The following TOM1L2 variants were observed in gnomAD, a reference collection of about 807,000 sequenced individuals.
TOM1L2 encodes target of myb1 like 2 membrane trafficking protein.
A neutral mutation model predicts 67.9 loss-of-function variants in TOM1L2; 31 were observed. The ratio of observed to expected loss-of-function variants is 0.46; its 90% CI spans 0.34 to 0.62. The LOEUF (loss-of-function observed/expected upper bound fraction) is 0.62, where lower values mean the gene tolerates loss of function less well. TOM1L2 is among the 20% of genes least tolerant of loss of function. The pLI, the probability that TOM1L2 is intolerant of heterozygous loss-of-function variation, is 0.01. For missense variants in TOM1L2, 606 were observed against 663.5 expected (o/e 0.91, Z 0.95); for synonymous variants, 256 against 254.0 (o/e 1.01, Z -0.07).
chr17:17,882,039 C>T (rs1480718547), intron 6 of TOM1L2, among the ~76,000 whole-genome samples: 1 of 152,124 alleles, frequency 6.6e-6, no homozygotes, highest in East Asian at 1.9e-4. Context: ...AAGAGCACTC[C>T]CCAATTCATC....
chr17:17,932,899 G>A (rs1216417148), intron 1 of TOM1L2, among the ~76,000 whole-genome samples: 1 of 151,962 alleles, frequency 6.6e-6, no homozygotes, highest in African/African-American at 2.4e-5. Flanking sequence ...GAAATCTGTG[G>A]GGATTTAAAT....
intron 1 of TOM1L2, among the ~76,000 whole-genome samples, chr17:17,957,793 G>A (rs1488731998): frequency 6.6e-6 from 1 of 151,944 alleles, no homozygotes; most frequent in Non-Finnish European, 1.5e-5. Context: ...GTCTCTTATG[G>A]AAAGCTGTAA....
rs1310467418 is a variant in TOM1L2, at chr17:17,940,009, A to G, written c.52+32253T>C. On this transcript the variant is annotated intron_variant, in intron 1 of 14. Coordinates refer to ENST00000379504, the MANE Select transcript of TOM1L2 (RefSeq NM_001082968.2). Reference sequence around the variant, plus strand: ...GGAGTTCAAGACCAGCCTGGCCAACATGGTGAAACCTCATCTCTACTAAAA... The same window carrying G: ...GGAGTTCAAGACCAGCCTGGCCAACGTGGTGAAACCTCATCTCTACTAAAA... 4.6e-5 allele frequency among the ~76,000 whole-genome samples: 7 copies of G among 152,090 alleles called. No homozygotes were observed. In the East Asian group the frequency reaches 1.2e-3, roughly 25 times the overall value.
intron 4 of TOM1L2, among the ~76,000 whole-genome samples, chr17:17,892,734 C>T (rs939457871): frequency 5.3e-5 from 8 of 152,160 alleles, no homozygotes; most frequent in African/African-American, 1.9e-4. Flanking sequence ...TTTATTTCCC[C>T]TACTCTTGAG....
intron 5 of TOM1L2, 107 bp downstream of exon 5, chr17:17,884,527 G>T: frequency 6.7e-7 from 1 of 1,496,600 alleles, no homozygotes; most frequent in Non-Finnish European, 9.1e-7. Context: ...AAGAAAGCAT[G>T]ATGACAAGCT....
At position 17,879,554 on chromosome 17, in the gene TOM1L2, G is replaced by A. The variant is rs556998662; in HGVS notation, c.777+73C>T. 3.7e-5 allele frequency: 46 copies of A among 1,228,858 alleles called. No homozygotes were observed. In the African/African-American group the frequency reaches 5.5e-4, roughly 15 times the overall value. 76.1% of individuals were successfully genotyped at this position (1,228,858 alleles called of 1,614,324 possible). On this transcript the variant is annotated intron_variant, in intron 7 of 14. Transcript: ENST00000379504. ...TGTCCCGCCTTGCCGCTGTGTCCCC[G>A]GGTGGGATCCTCCAACAGTGTACGG...
intron 1 of TOM1L2, among the ~76,000 whole-genome samples, chr17:17,921,413 A>T (rs186501519): frequency 8.5e-4 from 129 of 152,354 alleles, no homozygotes; most frequent in Non-Finnish European, 1.2e-4. Flanking sequence ...TGCTCTCTAG[A>T]AGCAGAGCCA....
At chr17:17,873,723 T>C (rs1275107209) in intron 7 of TOM1L2, among the ~76,000 whole-genome samples, 1 of 152,138 alleles carries the variant, frequency 6.6e-6, no homozygotes, top group East Asian at 1.9e-4. Flanking sequence ...CTGGATACAC[T>C]CTCCAAGTCT....
rs201202809 is a variant in TOM1L2 at position 17,862,817 on chromosome 17, G to C, written c.1116C>G (p.Leu372=). 1 of 1,614,222 alleles carries C rather than the reference G, an allele frequency of 6.2e-7. No individual in the cohort carries two copies. Among genetic ancestry groups the C allele is most frequent in the Admixed American group, 1.7e-5 (1 of 60,030 alleles). The change falls in exon 11 of 15, where the codon CTC becomes CTG. Residue 372 remains leucine, a synonymous_variant. Transcript: ENST00000379504. ...DLGTESVSGT[L]SSLQQCNPRD... ...GGGGATTACATTGCTGGAGTGAACT[G>C]AGGGTGCCACTGACGCTCTCTGTCC...
In TOM1L2 at chr17:17,869,402, C is replaced by T. The variant is rs79556089; in HGVS notation, c.849G>A (p.Glu283=). 2,180 of 1,613,624 alleles carry T rather than the reference C, an allele frequency of 1.4e-3. 27 individuals are homozygous for T. The African/African-American group carries it at 0.026, about 19-fold the overall frequency. ...VELISRVSNE[E]VTEELLHVND... ...TCACATGCAGCAGCTCCTCGGTGACCTCCTCATTGGACACGCGGGAGATGA... is the reference window on the plus strand; with the variant it reads ...TCACATGCAGCAGCTCCTCGGTGACTTCCTCATTGGACACGCGGGAGATGA... The change falls in exon 8 of 15, where the codon GAG becomes GAA. Residue 283 remains glutamate, a synonymous_variant. Transcript: ENST00000379504.
chr17:17,900,187 T>C (rs1726286664), intron 2 of TOM1L2, among the ~76,000 whole-genome samples: 1 of 151,970 alleles, frequency 6.6e-6, no homozygotes, highest in South Asian at 2.1e-4. Context: ...TACTCCAGCC[T>C]GGGCGACAAG....
intron 1 of TOM1L2, 107 bp downstream of exon 1, chr17:17,972,155 C>T: frequency 7.0e-7 from 1 of 1,418,506 alleles, no homozygotes; most frequent in South Asian, 1.3e-5. Context: ...TGGCGGAGGC[C>T]CAGCCCGCTC....
At chr17:17,947,758 G>T (rs575018759) in intron 1 of TOM1L2, among the ~76,000 whole-genome samples, 26 of 152,304 alleles carry the variant, frequency 1.7e-4, no homozygotes, top group African/African-American at 6.3e-4. Flanking sequence ...GGCTCAAAGA[G>T]GTTACTGGAG....
intron 1 of TOM1L2, among the ~76,000 whole-genome samples, chr17:17,916,809 G>C (rs1241033753): frequency 2.6e-5 from 4 of 151,882 alleles, no homozygotes; most frequent in African/African-American, 9.7e-5. Context: ...GATCTCATGA[G>C]GTTAGGAGTT....
intron 1 of TOM1L2, among the ~76,000 whole-genome samples, chr17:17,961,434 G>T (rs2041672654): frequency 6.6e-6 from 1 of 152,024 alleles, no homozygotes; most frequent in Non-Finnish European, 1.5e-5. Context: ...AATTGGCTGG[G>T]AATGGTGGTG....
intron 1 of TOM1L2, among the ~76,000 whole-genome samples, chr17:17,970,263 AC>A (rs1329969921): frequency 6.6e-6 from 1 of 151,268 alleles, no homozygotes; most frequent in African/African-American, 2.4e-5. Context: ...ACGGGGTTTC[AC>A]CGTGTTAGCC....
Position 17,949,693 on chromosome 17 carries a change from G to A in TOM1L2, c.52+22569C>T, listed in dbSNP as rs570836218. On this transcript the variant is annotated intron_variant, in intron 1 of 14. Transcript: ENST00000379504. ...CTGGGGAAGGAAGGACAGAAGCAAC[G>A]GCCAGAAGGCTGGTGGTGTGTCCCG... Among the ~76,000 whole-genome samples, 138 of 152,234 alleles carry A rather than the reference G, an allele frequency of 9.1e-4. 4 individuals carry two copies. In the South Asian group the frequency reaches 0.024, roughly 26 times the overall value.
At chr17:17,966,131 A>G (rs1304375547) in intron 1 of TOM1L2, among the ~76,000 whole-genome samples, 1 of 152,176 alleles carries the variant, frequency 6.6e-6, no homozygotes, top group African/African-American at 2.4e-5. Flanking sequence ...GAAAACAAAG[A>G]AACAAAAAAA....
At chr17:17,926,941 G>A (rs1568299192) in intron 1 of TOM1L2, among the ~76,000 whole-genome samples, 1 of 152,158 alleles carries the variant, frequency 6.6e-6, no homozygotes, top group Non-Finnish European at 1.5e-5. Flanking sequence ...ATGTATTCCT[G>A]TTTATACAAT....
Sources: allele counts gnomAD v4.1 joint callset (sites outside exome capture counted in the v4.1 genomes callset), GRCh38; gene constraint gnomAD v4.1.1; transcripts MANE v1.5; gene names NCBI Gene and HGNC (gene_info 2026-07-23, HGNC 2026-07-21).